THSD7B: variants seen among roughly 807,000 people sequenced by gnomAD.
THSD7B encodes thrombospondin type 1 domain containing 7B, also known as thrombospondin type-1 domain-containing protein 7B.
Under a neutral mutation model 213.6 loss-of-function variants are expected in THSD7B, and 138 were observed. The observed-to-expected ratio is 0.65, with a 90% CI of 0.56 to 0.74. The LOEUF is 0.74. Ranked by LOEUF, THSD7B falls within the 30% of genes least tolerant of loss-of-function variation. The pLI, the probability that THSD7B is intolerant of heterozygous loss-of-function variation, is 0.00. For missense variants in THSD7B, 1,931 were observed against 1,991.5 expected, an observed-to-expected ratio of 0.97 and a Z score of 0.58; for synonymous variants, 742 against 687.0, an observed-to-expected ratio of 1.08 and a Z score of -1.25.
At chr2:137,175,505 A>G (rs1476517131) in intron 7 of THSD7B, among the ~76,000 whole-genome samples, 1 of 152,182 alleles carries the variant, frequency 6.6e-6, no homozygotes, top group Non-Finnish European at 1.5e-5. Context: ...TTTTCCATGC[A>G]AATATTTTTC....
At chr2:137,330,522 G>A (rs1337617717) in intron 12 of THSD7B, among the ~76,000 whole-genome samples, 1 of 152,144 alleles carries the variant, frequency 6.6e-6, no homozygotes, top group Non-Finnish European at 1.5e-5. Context: ...GATATGCTAG[G>A]AGTTTTCTTC....
intron 3 of THSD7B, among the ~76,000 whole-genome samples, chr2:137,089,550 A>G (rs1054512777): frequency 2.0e-5 from 3 of 151,952 alleles, no homozygotes; most frequent in Non-Finnish European, 2.9e-5. Flanking sequence ...TAAGTCAAGT[A>G]ACTCAGGAAT....
chr2:136,881,223 C>T (rs1683617442), intron 1 of THSD7B, among the ~76,000 whole-genome samples: 1 of 152,152 alleles, frequency 6.6e-6, no homozygotes, highest in Non-Finnish European at 1.5e-5. Flanking sequence ...CTTTCCATCC[C>T]ACTTTCTTAA....
intron 1 of THSD7B, among the ~76,000 whole-genome samples, chr2:136,823,394 A>C (rs924632495): frequency 6.6e-6 from 1 of 152,208 alleles, no homozygotes; most frequent in African/African-American, 2.4e-5. Context: ...GGTTAGCAGA[A>C]AGCAGATGAT....
Position 137,231,029 on chromosome 2 carries a change from TC to T in THSD7B, c.1724-14del, listed in dbSNP as rs1681627155. On this transcript the variant is annotated splice_polypyrimidine_tract_variant and intron_variant, in intron 7 of 27. Transcript: ENST00000409968. ...GTGCATTAATCACCAACTGTCTTGA[TC>T]TTGTTGATTGTAGGAGAAGATGTAT... is the stretch of plus-strand genomic sequence containing the variant. 1 of 1,610,708 alleles carries T rather than the reference TC, an allele frequency of 6.2e-7. No homozygotes were observed. The highest frequency in any genetic ancestry group is 8.5e-7 in the Non-Finnish European group (1 of 1,178,420).
chr2:137,255,419 T>C (rs1023626403), intron 10 of THSD7B, among the ~76,000 whole-genome samples: 1 of 151,972 alleles, frequency 6.6e-6, no homozygotes, highest in Non-Finnish European at 1.5e-5. Flanking sequence ...ATGATTTACA[T>C]CTCCACAGGA....
intron 5 of THSD7B, among the ~76,000 whole-genome samples, chr2:137,153,738 G>A (rs1679858233): frequency 6.6e-6 from 1 of 152,160 alleles, no homozygotes; most frequent in African/African-American, 2.4e-5. Flanking sequence ...GTCTGTAGAA[G>A]AGGCCTATTT....
intron 12 of THSD7B, among the ~76,000 whole-genome samples, chr2:137,306,973 T>A (rs1683765234): frequency 1.3e-5 from 2 of 152,190 alleles, no homozygotes; most frequent in Admixed American, 1.3e-4. Context: ...GTACTTTAAA[T>A]TCTCTTCTGT....
At chr2:137,064,313 A>G (rs1687336021) in intron 3 of THSD7B, among the ~76,000 whole-genome samples, 1 of 152,036 alleles carries the variant, frequency 6.6e-6, no homozygotes, top group African/African-American at 2.4e-5. Context: ...TTCTTTTGAG[A>G]AATGTCTATT....
intron 15 of THSD7B, among the ~76,000 whole-genome samples, chr2:137,486,781 C>A (rs1392687373): frequency 6.6e-5 from 10 of 152,122 alleles, no homozygotes; most frequent in East Asian, 5.8e-4. Flanking sequence ...AACAGAAATT[C>A]TAACAAACTG....
At chr2:137,289,348 G>C (rs1683263788) in intron 12 of THSD7B, among the ~76,000 whole-genome samples, 1 of 151,412 alleles carries the variant, frequency 6.6e-6, no homozygotes, top group South Asian at 2.1e-4. Context: ...TTAGATTGCA[G>C]CAATAAAGAA....
chr2:137,638,612 G>T (rs572141602), intron 20 of THSD7B, among the ~76,000 whole-genome samples: 1 of 152,336 alleles, frequency 6.6e-6, no homozygotes, highest in Admixed American at 6.5e-5. Flanking sequence ...GTAACAGGCA[G>T]AGGGCTCAGA....
chr2:137,576,803 C>G (rs992339541), intron 17 of THSD7B, among the ~76,000 whole-genome samples: 1 of 150,862 alleles, frequency 6.6e-6, no homozygotes, highest in Non-Finnish European at 1.5e-5. Context: ...ACACCCCCCC[C>G]CCTTTTTTTA....
intron 5 of THSD7B, among the ~76,000 whole-genome samples, chr2:137,133,569 C>G (rs1202704185): frequency 6.6e-6 from 1 of 151,830 alleles, no homozygotes. Flanking sequence ...CTAGTAAGTT[C>G]CCTGGAGATG....
chr2:137,298,754 G>A (rs1265021332), intron 12 of THSD7B, among the ~76,000 whole-genome samples: 3 of 152,192 alleles, frequency 2.0e-5, no homozygotes, highest in Non-Finnish European at 4.4e-5. Flanking sequence ...CTTCCACCTG[G>A]TGTTGAGCCT....
intron 12 of THSD7B, among the ~76,000 whole-genome samples, chr2:137,349,430 A>G (rs1037365810): frequency 6.6e-6 from 1 of 151,872 alleles, no homozygotes; most frequent in Admixed American, 6.6e-5. Flanking sequence ...CATGTCTGGC[A>G]TATGCAAAGT....
At chr2:136,884,018 A>G (rs1222380077) in intron 2 of THSD7B, among the ~76,000 whole-genome samples, 6 of 152,234 alleles carry the variant, frequency 3.9e-5, no homozygotes, top group Admixed American at 3.9e-4. Flanking sequence ...AAGGTACAAA[A>G]TTAAGAACAA....
intron 17 of THSD7B, among the ~76,000 whole-genome samples, chr2:137,588,428 T>A (rs557985731): frequency 6.6e-6 from 1 of 151,836 alleles, no homozygotes; most frequent in Non-Finnish European, 1.5e-5. Flanking sequence ...GCATCACTCA[T>A]GCTGGGCTAT....
rs142768787 is a variant in THSD7B, at chr2:137,115,567, G to A, written c.1369+274G>A. ...TGTGTAGCATAGATAAATGCTACAA[G>A]CTAAGGGTCTGGTATGCCAGGAATG... is the stretch of plus-strand genomic sequence containing the variant. On this transcript the variant is annotated intron_variant, in intron 5 of 27. Coordinates refer to ENST00000409968, the MANE Select transcript of THSD7B (RefSeq NM_001316349.2). Among the ~76,000 whole-genome samples the A allele has an allele frequency of 2.0e-3, 311 of 152,260 alleles. 2 individuals carry two copies. Among genetic ancestry groups the A allele is most frequent in the African/African-American group, 6.8e-3 (282 of 41,542 alleles).
Sources: allele counts gnomAD v4.1 joint callset (sites outside exome capture counted in the v4.1 genomes callset), GRCh38; gene constraint gnomAD v4.1.1; transcripts MANE v1.5; gene names NCBI Gene and HGNC (gene_info 2026-07-23, HGNC 2026-07-21).